The following ZNF804A variants were observed in gnomAD, a reference collection of about 807,000 sequenced individuals.
ZNF804A encodes zinc finger protein 804A.
ZNF804A carries 2 observed loss-of-function variants against 16.5 expected under a neutral mutation model. The ratio of observed to expected loss-of-function variants is 0.12; its 90% CI spans 0.05 to 0.38. The LOEUF is 0.38. ZNF804A is among the 10% of genes least tolerant of loss of function. The pLI is 0.99. For synonymous variants in ZNF804A, 534 were observed against 489.6 expected (o/e 1.09, Z -1.20); for missense variants, 1,473 against 1,390.7 (o/e 1.06, Z -0.94).
intron 1 of ZNF804A, among the ~76,000 whole-genome samples, chr2:184,800,610 T>C (rs952868242): frequency 2.0e-5 from 3 of 151,726 alleles, no homozygotes; most frequent in African/African-American, 7.2e-5. Context: ...ATTTCTAGTT[T>C]ACTTTTGTTT....
intron 1 of ZNF804A, among the ~76,000 whole-genome samples, chr2:184,751,807 A>G (rs1693881633): frequency 6.6e-6 from 1 of 151,822 alleles, no homozygotes; most frequent in Non-Finnish European, 1.5e-5. Flanking sequence ...CACATTAAAA[A>G]CTGGGCAAAG....
chr2:184,861,641 A>T (rs1235644817), intron 1 of ZNF804A, among the ~76,000 whole-genome samples: 1 of 152,212 alleles, frequency 6.6e-6, no homozygotes, highest in Admixed American at 6.5e-5. Flanking sequence ...TTGTCAGGGA[A>T]GGTTACTTGT....
intron 1 of ZNF804A, among the ~76,000 whole-genome samples, chr2:184,640,775 G>C (rs899331818): frequency 4.6e-5 from 7 of 152,076 alleles, no homozygotes; most frequent in Non-Finnish European, 7.4e-5. Flanking sequence ...TTTGTACAAA[G>C]TTTATGATAA....
chr2:184,736,505 A>G (rs1693615509), intron 1 of ZNF804A, among the ~76,000 whole-genome samples: 1 of 152,136 alleles, frequency 6.6e-6, no homozygotes. Flanking sequence ...CAGGAACAGG[A>G]AACCAAATAC....
At chr2:184,856,844 A>C (rs1695696826) in intron 1 of ZNF804A, among the ~76,000 whole-genome samples, 1 of 152,106 alleles carries the variant, frequency 6.6e-6, no homozygotes, top group African/African-American at 2.4e-5. Flanking sequence ...CATATTCCAA[A>C]ATCTGAAAAA....
At chr2:184,911,521 T>C (rs1193958148) in intron 2 of ZNF804A, among the ~76,000 whole-genome samples, 2 of 152,042 alleles carry the variant, frequency 1.3e-5, no homozygotes, top group African/African-American at 2.4e-5. Flanking sequence ...CATTAGTAGG[T>C]AATTTGATAG....
intron 2 of ZNF804A, among the ~76,000 whole-genome samples, chr2:184,904,594 A>G (rs1161471778): frequency 3.9e-5 from 6 of 152,118 alleles, no homozygotes; most frequent in Admixed American, 1.3e-4. Flanking sequence ...TTATCAACTT[A>G]GGAGGAGTTC....
intron 1 of ZNF804A, among the ~76,000 whole-genome samples, chr2:184,796,383 A>G (rs1432500543): frequency 1.3e-5 from 2 of 151,964 alleles, no homozygotes; most frequent in East Asian, 3.9e-4. Flanking sequence ...TAATTTTTCA[A>G]TTACCATTTC....
chr2:184,817,319 C>A (rs957583543), intron 1 of ZNF804A, among the ~76,000 whole-genome samples: 3 of 151,774 alleles, frequency 2.0e-5, no homozygotes, highest in African/African-American at 7.3e-5. Flanking sequence ...AGAAAAATGG[C>A]CTGACTGTTA....
At chr2:184,603,681 G>T (rs1357857634) in intron 1 of ZNF804A, among the ~76,000 whole-genome samples, 1 of 152,156 alleles carries the variant, frequency 6.6e-6, no homozygotes, top group Non-Finnish European at 1.5e-5. Context: ...CCTCAAGAGA[G>T]CTCAGGGGTG....
At chr2:184,725,090 C>A (rs1405784626) in intron 1 of ZNF804A, among the ~76,000 whole-genome samples, 1 of 151,608 alleles carries the variant, frequency 6.6e-6, no homozygotes, top group Non-Finnish European at 1.5e-5. Flanking sequence ...CAGTGATTAG[C>A]TACTAGGACT....
At chr2:184,820,035 A>C (rs1434859438) in intron 1 of ZNF804A, among the ~76,000 whole-genome samples, 1 of 151,958 alleles carries the variant, frequency 6.6e-6, no homozygotes, top group East Asian at 1.9e-4. Flanking sequence ...TCCAAAAATT[A>C]AAAACAATGG....
At chr2:184,787,170 T>C (rs528452894) in intron 1 of ZNF804A, among the ~76,000 whole-genome samples, 3 of 151,980 alleles carry the variant, frequency 2.0e-5, no homozygotes, top group Non-Finnish European at 2.9e-5. Context: ...TGTTCATTCT[T>C]ACACTTTGTT....
At chr2:184,720,158 A>T (rs987898881) in intron 1 of ZNF804A, among the ~76,000 whole-genome samples, 1 of 152,020 alleles carries the variant, frequency 6.6e-6, no homozygotes, top group Admixed American at 6.6e-5. Context: ...ATCTCATGAG[A>T]CTCATTGACT....
At chr2:184,693,865 A>G (rs1433214899) in intron 1 of ZNF804A, among the ~76,000 whole-genome samples, 2 of 151,804 alleles carry the variant, frequency 1.3e-5, no homozygotes, top group African/African-American at 2.4e-5. Context: ...TAAAAAACCT[A>G]ATCTCATGAA....
intron 2 of ZNF804A, among the ~76,000 whole-genome samples, chr2:184,922,221 G>A (rs1166063282): frequency 6.6e-6 from 1 of 152,032 alleles, no homozygotes; most frequent in East Asian, 1.9e-4. Context: ...CTTCCTAACA[G>A]TGTACAAGGG....
At position 184,935,708 on chromosome 2, in the gene ZNF804A, A is replaced by T. The variant is rs535538874; in HGVS notation, c.387-75A>T. 4 of 1,453,374 alleles carry T rather than the reference A, an allele frequency of 2.8e-6. No individual in the cohort carries two copies. In the South Asian group the frequency reaches 6.1e-5, roughly 22 times the overall value. The allele number at this position is 1,453,374 out of a possible 1,614,324, so 90.0% of individuals were successfully genotyped here. On this transcript the variant is annotated intron_variant, in intron 3 of 3. Transcript: ENST00000302277. The stretch of plus-strand genomic sequence containing the variant: ...TGAAAAAATATTATAATGACTTTTT[A>T]AAGATGAAAATATTTGACTATTTTT...
At chr2:184,933,035 C>A (rs1685727286) in intron 2 of ZNF804A, among the ~76,000 whole-genome samples, 1 of 151,952 alleles carries the variant, frequency 6.6e-6, no homozygotes, top group Non-Finnish European at 1.5e-5. Flanking sequence ...TATGGATTAA[C>A]ATAAATAATG....
intron 1 of ZNF804A, among the ~76,000 whole-genome samples, chr2:184,741,609 T>A (rs1428860048): frequency 2.0e-5 from 3 of 152,148 alleles, no homozygotes; most frequent in Non-Finnish European, 4.4e-5. Context: ...TAGAGATTAC[T>A]TCTCAGGAGC....
Sources: gnomAD v4.1 joint callset for allele counts (sites outside exome capture counted in the v4.1 genomes callset) on GRCh38, gnomAD v4.1.1 for gene constraint, MANE v1.5 for transcripts, NCBI Gene and HGNC (gene_info 2026-07-23, HGNC 2026-07-21) for gene names.